Variants in RABGAP1L observed in about 807,000 individuals in gnomAD.
The protein encoded by RABGAP1L is RAB GTPase activating protein 1 like.
Under a neutral mutation model 137.7 loss-of-function variants are expected in RABGAP1L, and 63 were observed. That is an observed-to-expected ratio of 0.46 (90% confidence interval 0.37 to 0.56). The LOEUF is 0.56. RABGAP1L is among the 20% of genes least tolerant of loss of function. The pLI is 0.00. For missense variants in RABGAP1L, 1,095 were observed against 1,244.0 expected (o/e 0.88, Z 1.80); for synonymous variants, 431 against 433.7 (o/e 0.99, Z 0.08).
At chr1:174,541,797 C>A (rs114916745) in intron 13 of RABGAP1L, among the ~76,000 whole-genome samples, 3,389 of 152,070 alleles carry the variant, frequency 0.022, 58 homozygotes, top group Middle Eastern at 0.089. Context: ...AAGTTTTTAG[C>A]GTGAAGGGCT....
chr1:174,932,834 C>T (rs2149264280), intron 19 of RABGAP1L, among the ~76,000 whole-genome samples: 1 of 152,228 alleles, frequency 6.6e-6, no homozygotes, highest in African/African-American at 2.4e-5. Flanking sequence ...GTCCTTTTGA[C>T]ATGTTTCCAT....
intron 3 of RABGAP1L, among the ~76,000 whole-genome samples, chr1:174,230,872 C>G (rs754865219): frequency 2.0e-5 from 3 of 151,930 alleles, no homozygotes; most frequent in Non-Finnish European, 2.9e-5. Flanking sequence ...TTTTTTCTCT[C>G]ATCTGAAGAA....
intron 14 of RABGAP1L, among the ~76,000 whole-genome samples, chr1:174,642,352 C>T (rs1172131558): frequency 1.3e-5 from 2 of 151,982 alleles, no homozygotes; most frequent in Admixed American, 1.3e-4. Context: ...AAAACTAGAG[C>T]AGTTAAAGTA....
chr1:174,172,417 G>T (rs972607631), intron 1 of RABGAP1L, among the ~76,000 whole-genome samples: 1 of 152,058 alleles, frequency 6.6e-6, no homozygotes, highest in Non-Finnish European at 1.5e-5. Context: ...ATGTTTTGAG[G>T]AACTTCTATA....
At chr1:174,320,506 C>T (rs1201924557) in intron 11 of RABGAP1L, among the ~76,000 whole-genome samples, 1 of 152,170 alleles carries the variant, frequency 6.6e-6, no homozygotes, top group African/African-American at 2.4e-5. Context: ...TTTCTAGCTA[C>T]TGGCTATCGT....
chr1:174,928,727 C>T (rs1054385531), intron 19 of RABGAP1L, among the ~76,000 whole-genome samples: 7 of 151,714 alleles, frequency 4.6e-5, no homozygotes, highest in African/African-American at 7.3e-5. Flanking sequence ...TTTCTATTTT[C>T]CTCTCTTTGG....
intron 13 of RABGAP1L, among the ~76,000 whole-genome samples, chr1:174,478,481 T>C (rs1658744817): frequency 6.6e-6 from 1 of 152,096 alleles, no homozygotes; most frequent in Non-Finnish European, 1.5e-5. Flanking sequence ...CTCACTGTGT[T>C]GCCCAGGCTA....
rs144635660 is a variant in RABGAP1L at position 174,672,769 on chromosome 1, C to T, written c.1825-10753C>T. ...TTCCATGTACATGTGAATTTTTAAACGTTCCTCCTGTTACTGATTTCTAGT... is the reference window on the plus strand; with the variant it reads ...TTCCATGTACATGTGAATTTTTAAATGTTCCTCCTGTTACTGATTTCTAGT... On this transcript the variant is annotated intron_variant, in intron 14 of 25. Transcript: ENST00000681986. Among the ~76,000 whole-genome samples, 47 of 152,116 alleles carry T rather than the reference C, an allele frequency of 3.1e-4. 3 individuals are homozygous for T. The East Asian group carries it at 3.7e-3, about 12-fold the overall frequency.
intron 13 of RABGAP1L, among the ~76,000 whole-genome samples, chr1:174,628,317 A>G (rs1673072308): frequency 6.6e-6 from 1 of 152,224 alleles, no homozygotes; most frequent in Non-Finnish European, 1.5e-5. Flanking sequence ...CATAATCATA[A>G]TGTAACAGAA....
chr1:174,969,738 C>T (rs1669971261), intron 21 of RABGAP1L, among the ~76,000 whole-genome samples: 2 of 152,028 alleles, frequency 1.3e-5, no homozygotes, highest in African/African-American at 4.8e-5. Flanking sequence ...ACTTTTTGTT[C>T]CAGTAAGAAT....
intron 17 of RABGAP1L, among the ~76,000 whole-genome samples, chr1:174,750,783 TG>T (rs1356849769): frequency 6.6e-6 from 1 of 152,202 alleles, no homozygotes; most frequent in Non-Finnish European, 1.5e-5. Flanking sequence ...CAGGTTCTGA[TG>T]GCAAGCTGAT....
intron 19 of RABGAP1L, among the ~76,000 whole-genome samples, chr1:174,828,951 T>C (rs1691845295): frequency 1.3e-5 from 2 of 148,322 alleles, no homozygotes; most frequent in South Asian, 4.4e-4. Flanking sequence ...TTCTGTAAAA[T>C]GGAGATCCTA....
intron 12 of RABGAP1L, among the ~76,000 whole-genome samples, chr1:174,373,183 A>G (rs765950030): frequency 6.6e-6 from 1 of 152,160 alleles, no homozygotes; most frequent in Non-Finnish European, 1.5e-5. Flanking sequence ...GGACAGTTTC[A>G]ATGTGGGATG....
At chr1:174,544,134 G>A (rs896870199) in intron 13 of RABGAP1L, among the ~76,000 whole-genome samples, 1 of 152,152 alleles carries the variant, frequency 6.6e-6, no homozygotes. Flanking sequence ...GAATTTGAAT[G>A]TTGGCCTGCC....
chr1:174,303,021 T>C (rs537935835), intron 10 of RABGAP1L, among the ~76,000 whole-genome samples: 1 of 149,452 alleles, frequency 6.7e-6, no homozygotes, highest in East Asian at 1.9e-4. Flanking sequence ...TGTGAGAAAA[T>C]ATCTGTTGGG....
At chr1:174,795,147 A>G (rs1225720348) in intron 18 of RABGAP1L, among the ~76,000 whole-genome samples, 1 of 151,674 alleles carries the variant, frequency 6.6e-6, no homozygotes, top group African/African-American at 2.4e-5. Context: ...TTTTTCTCTT[A>G]CTCTCTCTTA....
intron 19 of RABGAP1L, among the ~76,000 whole-genome samples, chr1:174,942,169 A>G (rs1665995812): frequency 6.6e-6 from 1 of 152,202 alleles, no homozygotes; most frequent in African/African-American, 2.4e-5. Flanking sequence ...CATTAGTGCA[A>G]AGACACACTG....
intron 12 of RABGAP1L, among the ~76,000 whole-genome samples, chr1:174,388,970 A>G (rs188531866): frequency 1.1e-4 from 17 of 152,030 alleles, no homozygotes; most frequent in African/African-American, 2.9e-4. Flanking sequence ...GTCACATTCA[A>G]TGACTTTTAT....
intron 13 of RABGAP1L, among the ~76,000 whole-genome samples, chr1:174,412,948 G>A (rs570829221): frequency 6.6e-6 from 1 of 152,146 alleles, no homozygotes; most frequent in South Asian, 2.1e-4. Context: ...TCCTGGTGAT[G>A]TTCATTTTGT....
Sources: allele counts gnomAD v4.1 joint callset (sites outside exome capture counted in the v4.1 genomes callset), GRCh38; gene constraint gnomAD v4.1.1; transcripts MANE v1.5; gene names NCBI Gene and HGNC (gene_info 2026-07-23, HGNC 2026-07-21).